Variants in RDX observed in about 807,000 individuals in gnomAD.
The protein encoded by RDX is deafness, autosomal recessive 24.
In RDX, 32 loss-of-function variants were observed where a neutral mutation model predicts 83.7. The ratio of observed to expected loss-of-function variants is 0.38; its 90% CI spans 0.29 to 0.51. The LOEUF (loss-of-function observed/expected upper bound fraction) is 0.51. RDX is among the 20% of genes least tolerant of loss of function. The pLI is 0.87. For missense variants in RDX, 600 were observed against 689.9 expected, an observed-to-expected ratio of 0.87 and a Z score of 1.46; for synonymous variants, 229 against 222.7, an observed-to-expected ratio of 1.03 and a Z score of -0.25.
At chr11:110,194,015 G>C (rs1484210904) in intron 15 of RDX, among the ~76,000 whole-genome samples, 1 of 152,202 alleles carries the variant, frequency 6.6e-6, no homozygotes, top group Non-Finnish European at 1.5e-5. Flanking sequence ...CATTGCACAG[G>C]AATTAGCTGT....
chr11:110,229,442 T>C lies in RDX; in HGVS notation c.*2427A>G, dbSNP rs2134291264. The C allele has an allele frequency of 6.6e-6, 1 of 152,576 alleles. No homozygotes were observed. The highest frequency in any genetic ancestry group is 1.5e-5 in the Non-Finnish European group (1 of 67,874). The allele number at this position is 152,576 out of a possible 1,614,324, so 9.5% of individuals were successfully genotyped here. A position where few individuals can be genotyped will look rare whatever the true frequency, so the allele number is the denominator to read the frequency against. On this transcript the variant is annotated 3_prime_UTR_variant, in exon 14 of 14. Transcript: ENST00000645495. ...CATGTTAAATAACAACAGTGGACCTTGAAGGCATGAGCTTTTGTCACTTTA... is the reference window on the plus strand; with the variant it reads ...CATGTTAAATAACAACAGTGGACCTCGAAGGCATGAGCTTTTGTCACTTTA...
At chr11:110,267,669 A>G (rs1860112431) in intron 3 of RDX, among the ~76,000 whole-genome samples, 1 of 152,040 alleles carries the variant, frequency 6.6e-6, no homozygotes, top group South Asian at 2.1e-4. Flanking sequence ...GACAGAAAAA[A>G]AGAAAAAACA....
At chr11:110,238,297 A>C (rs1289986107) in intron 10 of RDX, among the ~76,000 whole-genome samples, 1 of 152,242 alleles carries the variant, frequency 6.6e-6, no homozygotes, top group East Asian at 1.9e-4. Context: ...AAATAACATG[A>C]ATTTTAATCC....
At chr11:110,254,680 T>A (rs1859474384) in intron 8 of RDX, among the ~76,000 whole-genome samples, 1 of 152,132 alleles carries the variant, frequency 6.6e-6, no homozygotes, top group Non-Finnish European at 1.5e-5. Context: ...TTCACCACGT[T>A]GGCCAGGCTG....
In RDX at chr11:110,229,458, TG is replaced by T. The variant is rs1231588343; in HGVS notation, c.*2410del. 6.6e-6 allele frequency: 1 copy of T among 152,472 alleles called. No homozygotes were observed. The highest frequency in any genetic ancestry group is 1.9e-4 in the East Asian group (1 of 5,202). The allele number at this position is 152,472 out of a possible 1,614,324, so 9.4% of individuals were successfully genotyped here. ...AGTGGACCTTGAAGGCATGAGCTTTTGTCACTTTATTGTTAACCAATGAATA... is the reference window on the plus strand; with the variant it reads ...AGTGGACCTTGAAGGCATGAGCTTTTTCACTTTATTGTTAACCAATGAATA... On this transcript the variant is annotated 3_prime_UTR_variant, in exon 14 of 14. Transcript: ENST00000645495.
chr11:110,261,809 C>T (rs996957778), intron 5 of RDX, among the ~76,000 whole-genome samples: 1 of 152,160 alleles, frequency 6.6e-6, no homozygotes, highest in African/African-American at 2.4e-5. Context: ...AGCCACCTTC[C>T]TTCTTTTTAA....
rs71053877 is a variant in RDX, at chr11:110,267,515, AACACACACACACACACACACAC to A, written c.97-2663_97-2642del. ...GTGCCAGAGCGAGACTCCGTCTCAA[AACACACACACACACACACACAC>A]ACACACACACACACACACACACACA... On this transcript the variant is annotated intron_variant, in intron 3 of 13. Transcript: ENST00000645495. Among the ~76,000 whole-genome samples the A allele has an allele frequency of 2.1e-4, 27 of 131,454 alleles. No individual in the cohort carries two copies. The South Asian group carries it at 4.1e-3, about 20-fold the overall frequency. 86.2% of individuals were successfully genotyped at this position (131,454 alleles called of 152,430 possible). A position where few individuals can be genotyped will look rare whatever the true frequency, so the allele number is the denominator to read the frequency against.
chr11:110,272,920 C>A, intron 2 of RDX: 1 of 471,718 alleles, frequency 2.1e-6, no homozygotes, highest in East Asian at 6.3e-5. Flanking sequence ...CCTAAGGACA[C>A]GTGGATATTA....
At chr11:110,270,841 A>G (rs1264086543) in intron 3 of RDX, among the ~76,000 whole-genome samples, 2 of 152,214 alleles carry the variant, frequency 1.3e-5, no homozygotes, top group African/African-American at 2.4e-5. Context: ...TAACTTGCTG[A>G]TTAGTTTTTG....
At chr11:110,216,273 T>C (rs1392672399) in intron 14 of RDX, among the ~76,000 whole-genome samples, 1 of 152,196 alleles carries the variant, frequency 6.6e-6, no homozygotes, top group Non-Finnish European at 1.5e-5. Flanking sequence ...TTTGCATATG[T>C]TGTTCCTTCT....
At chr11:110,284,590 G>A (rs887879238) in intron 1 of RDX, among the ~76,000 whole-genome samples, 6 of 151,368 alleles carry the variant, frequency 4.0e-5, no homozygotes, top group East Asian at 1.9e-4. Flanking sequence ...GCGCGATATC[G>A]GCTCACTGCA....
chr11:110,193,385 G>A (rs1224869555), intron 15 of RDX, among the ~76,000 whole-genome samples: 1 of 152,016 alleles, frequency 6.6e-6, no homozygotes, highest in Non-Finnish European at 1.5e-5. Context: ...GAGAGGGTTG[G>A]GGGCAGGGGT....
At chr11:110,237,313 T>A (rs1243388110) in intron 11 of RDX, among the ~76,000 whole-genome samples, 179 bp downstream of exon 11, 1 of 152,030 alleles carries the variant, frequency 6.6e-6, no homozygotes, top group Non-Finnish European at 1.5e-5. Flanking sequence ...ATTTTTAGGT[T>A]TTTGTTTAGG....
chr11:110,268,595 A>T (rs554452989), intron 3 of RDX, among the ~76,000 whole-genome samples: 2 of 152,290 alleles, frequency 1.3e-5, no homozygotes, highest in South Asian at 4.1e-4. Context: ...ACACTCTGTG[A>T]GATTCACAAT....
intron 9 of RDX, among the ~76,000 whole-genome samples, chr11:110,248,851 G>C (rs1483183921): frequency 6.6e-6 from 1 of 152,124 alleles, no homozygotes; most frequent in Admixed American, 6.5e-5. Context: ...TAATTTCTTG[G>C]GTAGTACCCA....
intron 14 of RDX, among the ~76,000 whole-genome samples, chr11:110,202,897 G>C (rs1333173533): frequency 6.6e-6 from 1 of 152,096 alleles, no homozygotes; most frequent in Non-Finnish European, 1.5e-5. Flanking sequence ...ATGCTGGTGA[G>C]GATGTGAAGA....
At chr11:110,271,613 A>G (rs1383383506) in intron 3 of RDX, among the ~76,000 whole-genome samples, 1 of 152,194 alleles carries the variant, frequency 6.6e-6, no homozygotes, top group Non-Finnish European at 1.5e-5. Context: ...CCAGACAATT[A>G]AATCAGCATC....
chr11:110,223,058 C>T (rs1864306840), intron 14 of RDX, among the ~76,000 whole-genome samples: 1 of 151,956 alleles, frequency 6.6e-6, no homozygotes, highest in Non-Finnish European at 1.5e-5. Context: ...TTTAAAAATA[C>T]ACAAATTTTA....
At chr11:110,202,006 C>G (rs1027075227) in intron 14 of RDX, among the ~76,000 whole-genome samples, 2 of 151,604 alleles carry the variant, frequency 1.3e-5, no homozygotes, top group Non-Finnish European at 2.9e-5. Context: ...CTCTCAAACT[C>G]CTGACTTAGG....
Sources: allele counts gnomAD v4.1 joint callset (sites outside exome capture counted in the v4.1 genomes callset), GRCh38; gene constraint gnomAD v4.1.1; transcripts MANE v1.5; gene names NCBI Gene and HGNC (gene_info 2026-07-23, HGNC 2026-07-21).